The following PPP1R36 variants were observed in gnomAD, a reference collection of about 807,000 sequenced individuals.
PPP1R36 encodes the protein protein phosphatase 1 regulatory subunit 36, also known as chromosome 14 open reading frame 50.
A neutral mutation model predicts 53.4 loss-of-function variants in PPP1R36; 47 were observed. The ratio of observed to expected loss-of-function variants is 0.88; its 90% CI spans 0.70 to 1.12. The LOEUF is 1.12. Among genes scored for constraint, PPP1R36 ranks in the 50% most tolerant of loss-of-function variants. The probability of loss-of-function intolerance (pLI) is 0.00; values close to 1 mark genes in which losing one functional copy is unlikely to be tolerated. For synonymous variants in PPP1R36, 153 were observed against 170.5 expected, an observed-to-expected ratio of 0.90 and a Z score of 0.80; for missense variants, 456 against 513.9, an observed-to-expected ratio of 0.89 and a Z score of 1.09.
chr14:64,556,762 A>G (rs866354706), intron 3 of PPP1R36, among the ~76,000 whole-genome samples: 17 of 134,060 alleles, frequency 1.3e-4, no homozygotes, highest in South Asian at 2.7e-4. Context: ...TCTCCAAAAA[A>G]TGTGTGTGTG....
At chr14:64,554,240 C>A (rs144642228) in intron 3 of PPP1R36, among the ~76,000 whole-genome samples, 1 of 151,228 alleles carries the variant, frequency 6.6e-6, no homozygotes, top group Non-Finnish European at 1.5e-5. Flanking sequence ...CAACCTCCCC[C>A]TCCCGGGTTC....
chr14:64,561,178 C>T (rs2080202729), intron 3 of PPP1R36, among the ~76,000 whole-genome samples: 2 of 152,116 alleles, frequency 1.3e-5, no homozygotes, highest in Admixed American at 1.3e-4. Context: ...TGGGGTAGGC[C>T]AACTTTTATA....
At chr14:64,553,636 A>C (rs967823484) in intron 3 of PPP1R36, among the ~76,000 whole-genome samples, 3 of 152,156 alleles carry the variant, frequency 2.0e-5, no homozygotes, top group Non-Finnish European at 1.5e-5. Flanking sequence ...GAAATAAAAA[A>C]TAGTGGTCAC....
intron 8 of PPP1R36, among the ~76,000 whole-genome samples, chr14:64,574,798 C>A (rs1052147370): frequency 1.1e-4 from 17 of 152,200 alleles, no homozygotes; most frequent in Admixed American, 9.2e-4. Flanking sequence ...AGAATCTCAG[C>A]GGATATTTTT....
intron 11 of PPP1R36, 192 bp downstream of exon 11, chr14:64,588,487 CA>C (rs2080455499): frequency 1.1e-5 from 5 of 458,368 alleles, no homozygotes; most frequent in African/African-American, 4.0e-5. Context: ...CCATCTAGAC[CA>C]GAAAAACAAT....
intron 8 of PPP1R36, among the ~76,000 whole-genome samples, chr14:64,575,150 A>T (rs1251414052): frequency 6.6e-6 from 1 of 152,220 alleles, no homozygotes; most frequent in Non-Finnish European, 1.5e-5. Context: ...CCCTTAACTC[A>T]GAATCTCCTT....
intron 3 of PPP1R36, 114 bp downstream of exon 3, chr14:64,552,975 AT>A (rs201070060): frequency 0.077 from 52,252 of 674,450 alleles, no homozygotes; most frequent in South Asian, 0.12. Flanking sequence ...TTAAGTGCCA[AT>A]TTTTTTTTTT....
chr14:64,562,102 G>GGA (rs2080209983), intron 3 of PPP1R36: 1 of 241,776 alleles, frequency 4.1e-6, no homozygotes, highest in South Asian at 5.0e-5. Context: ...GATAGTAGGA[G>GGA]GGTATAGGCT....
chr14:64,552,470 CAG>C (rs2080102716), intron 2 of PPP1R36, among the ~76,000 whole-genome samples: 2 of 152,140 alleles, frequency 1.3e-5, no homozygotes, highest in Admixed American at 1.3e-4. Flanking sequence ...GCCTGGGCGA[CAG>C]AGAGAGACTC....
chr14:64,564,103 C>T (rs2080230043), intron 3 of PPP1R36, among the ~76,000 whole-genome samples: 1 of 152,168 alleles, frequency 6.6e-6, no homozygotes, highest in Non-Finnish European at 1.5e-5. Flanking sequence ...CTTAGTAGTG[C>T]TTGTACAACA....
intron 3 of PPP1R36, among the ~76,000 whole-genome samples, chr14:64,560,115 A>G (rs1445079784): frequency 7.2e-6 from 1 of 139,384 alleles, no homozygotes; most frequent in African/African-American, 3.1e-5. Context: ...AAAAAAAAAA[A>G]AAAAAAAAAA....
intron 7 of PPP1R36, among the ~76,000 whole-genome samples, chr14:64,571,425 C>A (rs2080302642): frequency 6.6e-6 from 1 of 152,130 alleles, no homozygotes; most frequent in African/African-American, 2.4e-5. Context: ...CCGTGCCCAG[C>A]CTGTATGTAC....
At chr14:64,552,649 A>G (rs761955194) in intron 2 of PPP1R36, 165 bp from the exon 3 acceptor site, 14 of 586,840 alleles carry the variant, frequency 2.4e-5, no homozygotes, top group Non-Finnish European at 4.2e-5. Context: ...GTTTATAGTT[A>G]CATTATAAAT....
intron 8 of PPP1R36, among the ~76,000 whole-genome samples, chr14:64,577,718 C>A: frequency 1.1e-5 from 1 of 94,448 alleles, no homozygotes; most frequent in South Asian, 3.9e-4. Flanking sequence ...GCCATGATTA[C>A]TTTTTTTTTT....
intron 8 of PPP1R36, among the ~76,000 whole-genome samples, chr14:64,579,359 T>C (rs1222969823): frequency 6.6e-6 from 1 of 152,132 alleles, no homozygotes; most frequent in Non-Finnish European, 1.5e-5. Context: ...TGAGGTATAG[T>C]AGTAGATTTA....
rs1346417679 is a variant in PPP1R36, at chr14:64,587,317, C to T, written c.835C>T (p.Arg279Cys). Reference sequence around the variant, plus strand: ...TATGTTCAACATTCCTCGCAGGAGGCGTGAAGATGAGGAATCAGGAGGGGA... The same window carrying T: ...TATGTTCAACATTCCTCGCAGGAGGTGTGAAGATGAGGAATCAGGAGGGGA... ...TNMFNIPRRR[R>C]EDEESGGEKK... is the part of the protein sequence containing the mutation. The change falls in exon 10 of 12, where the codon CGT (arginine) becomes TGT (cysteine). Residue 279 changes from arginine (R) to cysteine (C), a missense_variant. By Grantham distance (180) the Arg-to-Cys change is radical. Coordinates refer to ENST00000298705, the MANE Select transcript of PPP1R36 (RefSeq NM_172365.3). 5.6e-6 allele frequency: 9 copies of T among 1,613,600 alleles called. No individual in the cohort carries two copies. The highest frequency in any genetic ancestry group is 2.2e-5 in the South Asian group (2 of 91,042).
intron 7 of PPP1R36, among the ~76,000 whole-genome samples, chr14:64,573,618 A>T (rs188241136): frequency 1.3e-5 from 2 of 152,318 alleles, no homozygotes; most frequent in East Asian, 3.9e-4. Flanking sequence ...AATCTATTAA[A>T]AAAGCGAAAA....
chr14:64,558,586 A>C (rs979364202), intron 3 of PPP1R36, among the ~76,000 whole-genome samples: 2 of 151,998 alleles, frequency 1.3e-5, no homozygotes, highest in Non-Finnish European at 2.9e-5. Flanking sequence ...CTCAAAAAAC[A>C]AATAAACAAA....
At position 64,566,545 on chromosome 14, in the gene PPP1R36, G is replaced by C. The variant is rs973711781; in HGVS notation, c.434+853G>C. 2.0e-5 allele frequency among the ~76,000 whole-genome samples: 3 copies of C among 152,138 alleles called. No homozygotes were observed. The East Asian group carries it at 5.8e-4, about 29-fold the overall frequency. The stretch of plus-strand genomic sequence containing the variant: ...GTGCTAGGTGTGTGACTCTGGGTAA[G>C]TTTCTTGACCTTTGTAAGCCTCAGT... On this transcript the variant is annotated intron_variant, in intron 6 of 11. Coordinates refer to ENST00000298705, the MANE Select transcript of PPP1R36 (RefSeq NM_172365.3).
Sources: gnomAD v4.1 joint callset for allele counts (sites outside exome capture counted in the v4.1 genomes callset) on GRCh38, gnomAD v4.1.1 for gene constraint, MANE v1.5 for transcripts, NCBI Gene and HGNC (gene_info 2026-07-23, HGNC 2026-07-21) for gene names.